Variants in SACS observed in about 807,000 individuals in gnomAD.
SACS encodes sacsin molecular chaperone.
Under a neutral mutation model 348.0 loss-of-function variants are expected in SACS, and 197 were observed. The ratio of observed to expected loss-of-function variants is 0.57; its 90% CI spans 0.50 to 0.64. SACS has a LOEUF of 0.64. SACS is among the 30% of genes least tolerant of loss of function. The pLI, the probability that SACS is intolerant of heterozygous loss-of-function variation, is 0.00. For missense variants in SACS, 4,999 were observed against 5,360.8 expected (o/e 0.93, Z 2.11); for synonymous variants, 1,985 against 1,910.6 (o/e 1.04, Z -1.02).
intron 2 of SACS, among the ~76,000 whole-genome samples, chr13:23,382,086 A>C (rs1197728493): frequency 6.6e-6 from 1 of 152,274 alleles, no homozygotes; most frequent in African/African-American, 2.4e-5. Context: ...GTTGGCAGGC[A>C]TCCACCACTG....
At chr13:23,400,465 G>A (rs1039091545) in intron 2 of SACS, among the ~76,000 whole-genome samples, 9 of 152,082 alleles carry the variant, frequency 5.9e-5, no homozygotes, top group African/African-American at 1.9e-4. Context: ...CTGTCACCCA[G>A]GCTGGAGTGC....
intron 9 of SACS, among the ~76,000 whole-genome samples, chr13:23,348,567 A>G (rs1869760739): frequency 6.6e-6 from 1 of 152,220 alleles, no homozygotes; most frequent in Non-Finnish European, 1.5e-5. Flanking sequence ...TGATTCTAAT[A>G]AAGCAAAGAG....
At position 23,337,596 on chromosome 13, in the gene SACS, C is replaced by T; in HGVS notation, c.6280G>A (p.Val2094Ile). ...AAGGAACAAGGAATACATGGAGTAA[C>T]ACGAAGAACTCCCGAGAACTCATCA... ...KVDEFSGVLR[V>I]TPCIPCSLEG... The change falls in exon 10 of 10, where the codon GTT becomes ATT. Residue 2094 changes from valine (V) to isoleucine (I), a missense_variant. Transcript: ENST00000382292. 1 of 1,613,888 alleles carries T rather than the reference C, an allele frequency of 6.2e-7. No homozygotes were observed.
chr13:23,338,743 T>C lies in SACS; in HGVS notation c.5133A>G (p.Thr1711=), dbSNP rs986970509. The C allele has an allele frequency of 5.0e-6, 8 of 1,610,650 alleles. No homozygotes were observed. The highest frequency in any genetic ancestry group is 2.2e-5 in the East Asian group (1 of 44,858). ...EETNPSLAQD[T]VIIKKKSCSS... ...AGCAGGATTTTTTTTTAATTATTAC[T>C]GTATCTTGTGCTAAACTGGGGTTGG... Residue 1711 remains threonine, a synonymous_variant, in exon 10 of 10, where the codon ACA becomes ACG. Transcript: ENST00000382292.
rs80132141 is a variant in SACS at position 23,337,540 on chromosome 13, T to G, written c.6336A>C (p.Arg2112Ser). The G allele has an allele frequency of 5.4e-4, 877 of 1,613,970 alleles. 2 individuals are homozygous for G. The African/African-American group carries it at 0.01, about 19-fold the overall frequency. The stretch of plus-strand genomic sequence containing the variant: ...CAACTCGTCCTTCGGGGTGGATCAA[T>G]CTTGATGGCAAAACCAAAGGATGCC... ...LEGHPLVLPS[R>S]LIHPEGRVAK... The change falls in exon 10 of 10, where the codon AGA becomes AGC. Residue 2112 changes from arginine to serine, a missense_variant. Physicochemically the swap from Arg to Ser is moderately radical, Grantham distance 110 (BLOSUM62 -1). Coordinates refer to ENST00000382292, the MANE Select transcript of SACS (RefSeq NM_014363.6).
chr13:23,364,023 A>C (rs763687636), intron 6 of SACS, among the ~76,000 whole-genome samples: 2 of 152,196 alleles, frequency 1.3e-5, no homozygotes, highest in Non-Finnish European at 2.9e-5. Context: ...CAAGTCACTA[A>C]GGTAGCAGCA....
At position 23,340,227 on chromosome 13, in the gene SACS, T is replaced by G. The variant is rs1324460001; in HGVS notation, c.3649A>C (p.Thr1217Pro). The G allele has an allele frequency of 6.2e-7, 1 of 1,610,484 alleles. No homozygotes were observed. The highest frequency in any genetic ancestry group is 8.5e-7 in the Non-Finnish European group (1 of 1,177,926). ...VNLEKALGIF[T>P]KPSLSAVLKH... ...AAGACAGCACTAAGGCTAGGTTTTG[T>G]GAAGATCCCTAATGCTTTTTCCAGG... The change falls in exon 10 of 10, where the codon ACA becomes CCA. Residue 1217 changes from threonine to proline, a missense_variant. Physicochemically the swap from Thr to Pro is conservative, Grantham distance 38. Transcript: ENST00000382292.
Position 23,333,780 on chromosome 13 carries a change from G to A in SACS, c.10096C>T (p.His3366Tyr), listed in dbSNP as rs1388546547. 7 of 1,613,682 alleles carry A rather than the reference G, an allele frequency of 4.3e-6. No individual in the cohort carries two copies. Among genetic ancestry groups the A allele is most frequent in the African/African-American group, 1.3e-5 (1 of 74,888 alleles). The change falls in exon 10 of 10, where the codon CAT (histidine) becomes TAT (tyrosine). Residue 3366 changes from histidine (H) to tyrosine (Y), a missense_variant. Transcript: ENST00000382292. ...AATGTTGAAGTTTGGACCATATAAT[G>A]TAGAGCCTTCAAGATGCTTGTGGGG... is the stretch of plus-strand genomic sequence containing the variant. ...ESPTSILKAL[H>Y]YMVQTSTFRA...
chr13:23,342,079 G>GC (rs1400268320), intron 9 of SACS, among the ~76,000 whole-genome samples: 7 of 152,078 alleles, frequency 4.6e-5, no homozygotes, highest in African/African-American at 1.7e-4. Context: ...GAGCCACCAC[G>GC]CCCGGCCAGT....
At position 23,365,246 on chromosome 13, in the gene SACS, G is replaced by A. The variant is rs1476132092; in HGVS notation, c.377C>T (p.Ala126Val). The part of the protein sequence containing the change: ...ELIQNAEDAG[A>V]TEVKFLYDET... ...ATCATATAAAAATTTAACTTCTGTC[G>A]CCCCAGCATCTTCTGCATTCTGAAT... is the stretch of plus-strand genomic sequence containing the variant. Residue 126 changes from alanine (A) to valine (V), a missense_variant, in exon 6 of 10, where the codon GCG becomes GTG. Physicochemically the swap from Ala to Val is moderately conservative, Grantham distance 64. Around this residue, in one of 6 missense-constraint regions of SACS, gnomAD observed 3,156 missense variants for 3,380.1 expected, o/e 0.93. Coordinates refer to ENST00000382292, the MANE Select transcript of SACS (RefSeq NM_014363.6). 2 of 1,609,266 alleles carry A rather than the reference G, an allele frequency of 1.2e-6. No individual in the cohort carries two copies. The highest frequency in any genetic ancestry group is 2.7e-5 in the African/African-American group (2 of 74,736).
In SACS at chr13:23,406,113, A is replaced by C. The variant is rs545746622; in HGVS notation, c.20+5107T>G. 3.3e-5 allele frequency among the ~76,000 whole-genome samples: 5 copies of C among 152,364 alleles called. 1 individual carries two copies. In the South Asian group the frequency reaches 1.0e-3, roughly 32 times the overall value. ...TTATTGCAGCTCTGTTCACAATAGC[A>C]AAGATTGGAACCAATCCAAATGCCC... On this transcript the variant is annotated intron_variant, in intron 2 of 9. Transcript: ENST00000382292.
At position 23,337,985 on chromosome 13, in the gene SACS, T is replaced by C; in HGVS notation, c.5891A>G (p.Tyr1964Cys). The change falls in exon 10 of 10, where the codon TAT becomes TGT. Residue 1964 changes from tyrosine to cysteine, a missense_variant. Coordinates refer to ENST00000382292, the MANE Select transcript of SACS (RefSeq NM_014363.6). ...CCCTTTTCCATGAGCTATATCTTCA[T>C]AAAATCCTTGGCAAATTACAGAAAA... ...DDFSVICQGF[Y>C]EDIAHGKGKE... 1 of 1,613,960 alleles carries C rather than the reference T, an allele frequency of 6.2e-7. No individual in the cohort carries two copies. The highest frequency in any genetic ancestry group is 1.1e-5 in the South Asian group (1 of 91,060).
intron 1 of SACS, among the ~76,000 whole-genome samples, chr13:23,431,786 A>G (rs1874443470): frequency 6.6e-6 from 1 of 152,258 alleles, no homozygotes; most frequent in African/African-American, 2.4e-5. Context: ...GTGCATAGCA[A>G]GAACTGAATA....
chr13:23,338,275 A>T lies in SACS; in HGVS notation c.5601T>A (p.Ile1867=). Reference sequence around the variant, plus strand: ...AAGGTAAATAGCAAAACACCTCTCCAATGTGTGGTTTCACTGTCCACTTCT... The same window carrying T: ...AAGGTAAATAGCAAAACACCTCTCCTATGTGTGGTTTCACTGTCCACTTCT... ...QDQKWTVKPH[I]GEVFCYLPLR... The change falls in exon 10 of 10, where the codon ATT becomes ATA. Residue 1867 remains isoleucine, a synonymous_variant. Transcript: ENST00000382292. 2 of 1,614,094 alleles carry T rather than the reference A, an allele frequency of 1.2e-6. No individual in the cohort carries two copies. Among genetic ancestry groups the T allele is most frequent in the East Asian group, 2.2e-5 (1 of 44,880 alleles).
intron 2 of SACS, among the ~76,000 whole-genome samples, chr13:23,406,649 C>A (rs932740422): frequency 7.2e-5 from 11 of 152,088 alleles, no homozygotes; most frequent in African/African-American, 2.7e-4. Context: ...TTTCAAATCA[C>A]AATAAATTTA....
intron 6 of SACS, among the ~76,000 whole-genome samples, chr13:23,362,187 C>G (rs868034953): frequency 1.3e-5 from 2 of 152,162 alleles, no homozygotes; most frequent in African/African-American, 4.8e-5. Context: ...AAACCAACTC[C>G]GTGAGATCCA....
chr13:23,341,673 G>T lies in SACS; in HGVS notation c.2203C>A (p.Leu735Met). ...AQTRGRPCTQ[L>M]QLLNPERFAR... ...AATCGTTCTGGATTTAGAAGCTGCAGCTGAGTACATGGTCTTCCTGTAAAT... is the reference window on the plus strand; with the variant it reads ...AATCGTTCTGGATTTAGAAGCTGCATCTGAGTACATGGTCTTCCTGTAAAT... The change falls in exon 10 of 10, where the codon CTG (leucine) becomes ATG (methionine). Residue 735 changes from leucine (L) to methionine (M), a missense_variant. Leu to Met is a conservative substitution (Grantham distance 15, BLOSUM62 2). Coordinates refer to ENST00000382292, the MANE Select transcript of SACS (RefSeq NM_014363.6). 1 of 1,612,528 alleles carries T rather than the reference G, an allele frequency of 6.2e-7. No homozygotes were observed. The highest frequency in any genetic ancestry group is 1.1e-5 in the South Asian group (1 of 91,068).
intron 9 of SACS, among the ~76,000 whole-genome samples, chr13:23,343,142 AT>A (rs1388941791): frequency 6.6e-6 from 1 of 152,162 alleles, no homozygotes; most frequent in Non-Finnish European, 1.5e-5. Context: ...CACTCAGAAG[AT>A]ATTTCCTTGG....
At chr13:23,421,310 A>G (rs1873930833) in intron 1 of SACS, among the ~76,000 whole-genome samples, 1 of 151,802 alleles carries the variant, frequency 6.6e-6, no homozygotes, top group African/African-American at 2.4e-5. Flanking sequence ...TGGTCTAGGT[A>G]TACCCCTGGG....
Sources: gnomAD v4.1 joint callset for allele counts (sites outside exome capture counted in the v4.1 genomes callset) on GRCh38, gnomAD v4.1.1 for gene constraint, gnomAD v4.1.1 regional missense constraint, MANE v1.5 for transcripts, NCBI Gene and HGNC (gene_info 2026-07-23, HGNC 2026-07-21) for gene names.